FSTL5: variants seen among roughly 807,000 people sequenced by gnomAD.
The protein encoded by FSTL5 is follistatin like 5.
Under a neutral mutation model 89.1 loss-of-function variants are expected in FSTL5, and 62 were observed. The observed-to-expected ratio is 0.70, with a 90% CI of 0.57 to 0.86. FSTL5 has a LOEUF of 0.86. FSTL5 is among the 40% of genes least tolerant of loss of function. The pLI is 0.00. For missense variants in FSTL5, 1,057 were observed against 1,001.6 expected (o/e 1.06, Z -0.75); for synonymous variants, 383 against 346.2 (o/e 1.11, Z -1.18).
At chr4:161,755,246 A>G (rs907386262) in intron 6 of FSTL5, among the ~76,000 whole-genome samples, 1 of 152,116 alleles carries the variant, frequency 6.6e-6, no homozygotes, top group Non-Finnish European at 1.5e-5. Context: ...ATGAAGAAAA[A>G]TTAAATAATT....
chr4:161,734,990 G>T (rs1435334438), intron 6 of FSTL5, among the ~76,000 whole-genome samples: 1 of 152,138 alleles, frequency 6.6e-6, no homozygotes, highest in Admixed American at 6.5e-5. Flanking sequence ...CCTGGAGACA[G>T]TGGCAGAGCT....
At chr4:161,837,515 G>C (rs1353526536) in intron 4 of FSTL5, among the ~76,000 whole-genome samples, 3 of 152,028 alleles carry the variant, frequency 2.0e-5, no homozygotes, top group African/African-American at 7.2e-5. Context: ...CATTTCACTA[G>C]TTTGAGGTGA....
intron 6 of FSTL5, among the ~76,000 whole-genome samples, chr4:161,737,183 T>G (rs376515074): frequency 2.4e-4 from 36 of 152,256 alleles, no homozygotes; most frequent in African/African-American, 8.4e-4. Flanking sequence ...TCTATTCCAG[T>G]GTTTAGTTCT....
At chr4:161,429,319 G>T (rs1312275831) in intron 15 of FSTL5, among the ~76,000 whole-genome samples, 1 of 152,196 alleles carries the variant, frequency 6.6e-6, no homozygotes, top group Non-Finnish European at 1.5e-5. Flanking sequence ...TATAAGCCTT[G>T]TTGGCTTTCC....
chr4:161,612,346 C>T (rs996888646), intron 7 of FSTL5, among the ~76,000 whole-genome samples: 1 of 152,138 alleles, frequency 6.6e-6, no homozygotes, highest in Non-Finnish European at 1.5e-5. Context: ...AGATTTATTT[C>T]AATCAAAGTA....
At chr4:161,980,957 C>G (rs1379353307) in intron 3 of FSTL5, among the ~76,000 whole-genome samples, 2 of 151,668 alleles carry the variant, frequency 1.3e-5, no homozygotes, top group Non-Finnish European at 2.9e-5. Context: ...GACGGGGTTT[C>G]ACATATTGGC....
At chr4:161,867,510 A>G (rs1732131128) in intron 4 of FSTL5, among the ~76,000 whole-genome samples, 1 of 151,906 alleles carries the variant, frequency 6.6e-6, no homozygotes, top group South Asian at 2.1e-4. Context: ...CATCAAAATT[A>G]TATGAAGGTT....
intron 5 of FSTL5, among the ~76,000 whole-genome samples, chr4:161,760,702 G>A (rs920414687): frequency 8.5e-5 from 13 of 152,100 alleles, no homozygotes; most frequent in African/African-American, 3.1e-4. Context: ...CAGACTTCCA[G>A]ACATCAGCTC....
intron 15 of FSTL5, among the ~76,000 whole-genome samples, chr4:161,404,310 C>A (rs1731283153): frequency 6.6e-6 from 1 of 152,124 alleles, no homozygotes; most frequent in African/African-American, 2.4e-5. Context: ...ACAAAAAATT[C>A]TCAGGAGAGG....
chr4:162,135,319 G>C (rs933780736), intron 1 of FSTL5, among the ~76,000 whole-genome samples: 1 of 150,556 alleles, frequency 6.6e-6, no homozygotes, highest in African/African-American at 2.4e-5. Flanking sequence ...TTTTTCTTTT[G>C]TTATAATAAA....
chr4:161,998,084 C>T (rs183761092), intron 3 of FSTL5, among the ~76,000 whole-genome samples: 4 of 152,198 alleles, frequency 2.6e-5, no homozygotes, highest in South Asian at 2.1e-4. Context: ...TAAAGCTACA[C>T]GGAGGAAAAG....
intron 15 of FSTL5, among the ~76,000 whole-genome samples, chr4:161,418,900 A>G (rs149453203): frequency 6.6e-6 from 1 of 152,370 alleles, no homozygotes; most frequent in Non-Finnish European, 1.5e-5. Context: ...AAATGTGTAT[A>G]GCAAAGATGT....
chr4:161,658,007 G>A (rs1736578579), intron 6 of FSTL5, among the ~76,000 whole-genome samples: 1 of 152,116 alleles, frequency 6.6e-6, no homozygotes, highest in African/African-American at 2.4e-5. Flanking sequence ...GTAGAGAAAG[G>A]CTCAGCCCAA....
rs578059838 is a variant in FSTL5 at position 161,987,320 on chromosome 4, A to G, written c.160+46305T>C. ...ACAAACACTCCTATAACTCAAACAAATGTATCTCTTTTAGTGGGCTTTCAA... is the reference window on the plus strand; with the variant it reads ...ACAAACACTCCTATAACTCAAACAAGTGTATCTCTTTTAGTGGGCTTTCAA... On this transcript the variant is annotated intron_variant, in intron 3 of 15. Transcript: ENST00000306100. 3.9e-5 allele frequency among the ~76,000 whole-genome samples: 6 copies of G among 152,114 alleles called. No individual in the cohort carries two copies. In the East Asian group the frequency reaches 1.2e-3, roughly 29 times the overall value.
chr4:162,105,011 A>G (rs1348037658), intron 2 of FSTL5, among the ~76,000 whole-genome samples: 4 of 152,210 alleles, frequency 2.6e-5, no homozygotes, highest in Non-Finnish European at 4.4e-5. Context: ...CATCTAGCCT[A>G]TGGGTAATCC....
intron 2 of FSTL5, among the ~76,000 whole-genome samples, chr4:162,073,998 G>A (rs939287261): frequency 6.6e-6 from 1 of 151,616 alleles, no homozygotes; most frequent in African/African-American, 2.4e-5. Context: ...TCTCTCAGTT[G>A]TTCCACTGTT....
At chr4:161,415,950 A>G (rs759153712) in intron 15 of FSTL5, among the ~76,000 whole-genome samples, 6 of 151,762 alleles carry the variant, frequency 4.0e-5, no homozygotes, top group Non-Finnish European at 7.4e-5. Flanking sequence ...CTTTATTCAC[A>G]GCACTCAGAT....
At chr4:161,783,433 C>T (rs536494446) in intron 4 of FSTL5, among the ~76,000 whole-genome samples, 3 of 151,896 alleles carry the variant, frequency 2.0e-5, no homozygotes, top group Non-Finnish European at 2.9e-5. Context: ...CAAGGCCTTC[C>T]GTCTTCTCAC....
chr4:161,980,449 T>C (rs1396963111), intron 3 of FSTL5, among the ~76,000 whole-genome samples: 1 of 152,110 alleles, frequency 6.6e-6, no homozygotes, highest in Admixed American at 6.5e-5. Context: ...GTTCTTTTGT[T>C]TCCCTTATTC....
Sources: gnomAD v4.1 joint callset for allele counts (sites outside exome capture counted in the v4.1 genomes callset) on GRCh38, gnomAD v4.1.1 for gene constraint, MANE v1.5 for transcripts, NCBI Gene and HGNC (gene_info 2026-07-23, HGNC 2026-07-21) for gene names.